The following CACNA1S variants were observed in gnomAD, a reference collection of about 807,000 sequenced individuals.
The protein encoded by CACNA1S is voltage-dependent L-type calcium channel subunit alpha-1S.
A neutral mutation model predicts 207.4 loss-of-function variants in CACNA1S; 126 were observed. The observed-to-expected ratio is 0.61, with a 90% confidence interval of 0.53 to 0.70. The LOEUF (loss-of-function observed/expected upper bound fraction) is 0.70. CACNA1S is among the 30% of genes least tolerant of loss of function. The pLI is 0.00. For synonymous variants in CACNA1S, 960 were observed against 932.7 expected, an observed-to-expected ratio of 1.03 and a Z score of -0.53; for missense variants, 2,349 against 2,422.8, an observed-to-expected ratio of 0.97 and a Z score of 0.64.
intron 27 of CACNA1S, 68 bp from the exon 28 acceptor site, chr1:201,058,559 G>A: frequency 1.6e-6 from 2 of 1,282,910 alleles, no homozygotes; most frequent in Non-Finnish European, 2.3e-6. Context: ...GCTGCTGGCA[G>A]AGGACAGTGT....
At position 201,039,512 on chromosome 1, in the gene CACNA1S, T is replaced by C. The variant is rs963426062; in HGVS notation, c.*319A>G. 2.2e-5 allele frequency: 10 copies of C among 458,684 alleles called. No homozygotes were observed. The highest frequency in any genetic ancestry group is 4.7e-5 in the South Asian group (2 of 42,298). 28.4% of individuals were successfully genotyped at this position (458,684 alleles called of 1,614,324 possible). ...AAAAAACTGGACAAGCAGAGGCCAG[T>C]TGCCAGTGTCACAGGCCTGGAGATT... is the stretch of plus-strand genomic sequence containing the variant. On this transcript the variant is annotated 3_prime_UTR_variant, in exon 44 of 44. Coordinates refer to ENST00000362061, the MANE Select transcript of CACNA1S (RefSeq NM_000069.3).
At chr1:201,062,538 G>A in intron 22 of CACNA1S, 24 bp from the exon 23 acceptor site, 1 of 1,595,814 alleles carries the variant, frequency 6.3e-7, no homozygotes. Context: ...GAGGGAGGGA[G>A]GGAGGGAGGC....
chr1:201,066,823 T>C lies in CACNA1S; in HGVS notation c.2657+64A>G. On this transcript the variant is annotated intron_variant, in intron 20 of 43. Coordinates refer to ENST00000362061, the MANE Select transcript of CACNA1S (RefSeq NM_000069.3). The surrounding 1 kb of genome is among the most constrained non-coding windows in gnomAD (Gnocchi z 4.3). ...CCACCAACATGGGTGGGACTCCCAC[T>C]ACAAAGCCCTGGCACAGAGCAGAGG... The C allele has an allele frequency of 7.8e-7, 1 of 1,280,638 alleles. No individual in the cohort carries two copies. The highest frequency in any genetic ancestry group is 1.2e-5 in the South Asian group (1 of 81,032). The allele number at this position is 1,280,638 out of a possible 1,614,324, so 79.3% of individuals were successfully genotyped here. A position where few individuals can be genotyped will look rare whatever the true frequency, so the allele number is the denominator to read the frequency against.
chr1:201,094,628 G>A (rs1361284114), intron 2 of CACNA1S, among the ~76,000 whole-genome samples: 1 of 152,106 alleles, frequency 6.6e-6, no homozygotes, highest in East Asian at 1.9e-4. Flanking sequence ...TTCCCTTGCT[G>A]GGCAGTGTTG....
intron 2 of CACNA1S, 74 bp from the exon 3 acceptor site, chr1:201,094,095 T>A (rs1050345734): frequency 6.3e-7 from 1 of 1,596,252 alleles, no homozygotes; most frequent in African/African-American, 1.3e-5. Flanking sequence ...CCTGCAGCCG[T>A]GCTGGGTTCC....
At chr1:201,101,392 A>T (rs1301327958) in intron 2 of CACNA1S, among the ~76,000 whole-genome samples, 1 of 152,192 alleles carries the variant, frequency 6.6e-6, no homozygotes, top group Non-Finnish European at 1.5e-5. Context: ...CCTCCTTCTC[A>T]CTTCCAGGGC....
intron 28 of CACNA1S, among the ~76,000 whole-genome samples, chr1:201,055,360 A>G (rs1302563925): frequency 3.3e-5 from 5 of 152,344 alleles, no homozygotes; most frequent in Admixed American, 2.6e-4. Context: ...AATCACCTGA[A>G]GAACTCGAAA....
chr1:201,062,439 A>G, intron 23 of CACNA1S, 23 bp downstream of exon 23: 1 of 1,611,116 alleles, frequency 6.2e-7, no homozygotes, highest in Non-Finnish European at 8.5e-7. Context: ...TGACCGTCCC[A>G]CTGTGCTCCC....
rs553593355 is a variant in CACNA1S at position 201,066,897 on chromosome 1, T to C, written c.2647A>G (p.Met883Val). 1.2e-5 allele frequency: 19 copies of C among 1,612,186 alleles called. No homozygotes were observed. The African/African-American group carries it at 1.9e-4, about 16-fold the overall frequency. The change falls in exon 20 of 44, where the codon ATG becomes GTG. Residue 883 changes from methionine (M) to valine (V), a missense_variant. Transcript: ENST00000362061. The surrounding 1 kb of genome is among the most constrained non-coding windows in gnomAD (Gnocchi z 4.3). ...CTTGCCGCTGCTCACTCAAGTCCCA[T>C]GGAGATGAGGGACACGGCCACCACC... Reference protein sequence around the residue: ...LLVVAVSLISMGLESSAISVV... With the variant: ...LLVVAVSLISVGLESSAISVV...
intron 40 of CACNA1S, 140 bp downstream of exon 40, chr1:201,043,141 G>T: frequency 9.0e-7 from 1 of 1,111,584 alleles, no homozygotes; most frequent in Non-Finnish European, 1.4e-6. Context: ...CTTACATTAA[G>T]GTTCAGGATG....
chr1:201,064,987 C>G (rs1661190915), intron 22 of CACNA1S, among the ~76,000 whole-genome samples: 2 of 152,156 alleles, frequency 1.3e-5, no homozygotes, highest in Non-Finnish European at 2.9e-5. Context: ...ATGCTTGGCA[C>G]AGGCCTGGCA....
chr1:201,062,604 G>T (rs1027061120), intron 22 of CACNA1S, 90 bp from the exon 23 acceptor site: 2 of 1,124,762 alleles, frequency 1.8e-6, no homozygotes, highest in Admixed American at 1.8e-5. Flanking sequence ...CAGTGGAAGG[G>T]GGGAGGGAAG....
chr1:201,078,043 C>G lies in CACNA1S; in HGVS notation c.1455G>C (p.Gly485=), dbSNP rs774856342. 3 of 1,614,100 alleles carry G rather than the reference C, an allele frequency of 1.9e-6. No individual in the cohort carries two copies. Residue 485 remains glycine, a synonymous_variant, in exon 11 of 44, where the codon GGG becomes GGC. Transcript: ENST00000362061. ...ACATGAAGTACTGGCGCAGGCCCAG[C>G]CCGTACATCTTCATCAGCATCTCAG... The part of the protein sequence containing the change: ...FTTEMLMKMY[G]LGLRQYFMSI...
chr1:201,077,246 C>T (rs1661663397), intron 11 of CACNA1S, 119 bp from the exon 12 acceptor site: 1 of 849,396 alleles, frequency 1.2e-6, no homozygotes, highest in East Asian at 2.6e-5. Flanking sequence ...AGGGGGCTGC[C>T]TCACTGCTGG....
chr1:201,077,769 G>T, intron 11 of CACNA1S, 110 bp downstream of exon 11: 1 of 702,682 alleles, frequency 1.4e-6, no homozygotes, highest in Non-Finnish European at 2.5e-6. Flanking sequence ...CAAGGGACCA[G>T]TGGTGAACCT....
In CACNA1S at chr1:201,076,813, AT is replaced by A; in HGVS notation, c.1827+106del. The A allele has an allele frequency of 4.8e-6, 5 of 1,037,894 alleles. No individual in the cohort carries two copies. The South Asian group carries it at 6.4e-5, about 13-fold the overall frequency. The allele number at this position is 1,037,894 out of a possible 1,614,324, so 64.3% of individuals were successfully genotyped here. A position where few individuals can be genotyped will look rare whatever the true frequency, so the allele number is the denominator to read the frequency against. Reference sequence around the variant, plus strand: ...GAAGGACATTGCACTCAACCAGCAGATCAGACAAGGCTTCCTGGAGAAGGTG... The same window carrying A: ...GAAGGACATTGCACTCAACCAGCAGACAGACAAGGCTTCCTGGAGAAGGTG... On this transcript the variant is annotated intron_variant, in intron 12 of 43. Coordinates refer to ENST00000362061, the MANE Select transcript of CACNA1S (RefSeq NM_000069.3).
chr1:201,064,308 G>A (rs1661165015), intron 22 of CACNA1S, among the ~76,000 whole-genome samples: 1 of 152,182 alleles, frequency 6.6e-6, no homozygotes, highest in East Asian at 1.9e-4. Context: ...AGGGGGAGAA[G>A]GCTGCACGCA....
chr1:201,054,443 A>T, intron 29 of CACNA1S, 62 bp downstream of exon 29: 1 of 1,518,564 alleles, frequency 6.6e-7, no homozygotes, highest in East Asian at 2.2e-5. Context: ...AGGCCCATGC[A>T]TGCAAGTGGC....
chr1:201,070,424 A>G lies in CACNA1S; in HGVS notation c.2228-20T>C. 1 of 1,613,088 alleles carries G rather than the reference A, an allele frequency of 6.2e-7. No homozygotes were observed. ...CATCCCCTGTGGGGAGAGAGAGAGG[A>G]ATTAGGGGTGTCTTCCCATGCTTTG... On this transcript the variant is annotated intron_variant, in intron 16 of 43. Coordinates refer to ENST00000362061, the MANE Select transcript of CACNA1S (RefSeq NM_000069.3).
Sources: allele counts gnomAD v4.1 joint callset (sites outside exome capture counted in the v4.1 genomes callset), GRCh38; gene constraint gnomAD v4.1.1; non-coding constraint Gnocchi (gnomAD v3.1); transcripts MANE v1.5; gene names NCBI Gene and HGNC (gene_info 2026-07-23, HGNC 2026-07-21).